Variants in HDAC4 observed in about 807,000 individuals in gnomAD.
HDAC4 encodes histone deacetylase 4.
A neutral mutation model predicts 135.1 loss-of-function variants in HDAC4; 16 were observed. That is an observed-to-expected ratio of 0.12 (90% CI 0.08 to 0.18). The LOEUF (loss-of-function observed/expected upper bound fraction) is 0.18, where lower values mean the gene tolerates loss of function less well. HDAC4 is among the 10% of genes least tolerant of loss of function. HDAC4 has a pLI of 1.00. For missense variants in HDAC4, 1,143 were observed against 1,511.8 expected, an observed-to-expected ratio of 0.76 and a Z score of 4.05; for synonymous variants, 685 against 653.4, an observed-to-expected ratio of 1.05 and a Z score of -0.74.
chr2:239,087,598 A>G lies in HDAC4; in HGVS notation c.2405T>C (p.Val802Ala). 1 of 1,613,890 alleles carries G rather than the reference A, an allele frequency of 6.2e-7. No individual in the cohort carries two copies. Among genetic ancestry groups the G allele is most frequent in the Non-Finnish European group, 8.5e-7 (1 of 1,179,978 alleles). Reference sequence around the variant, plus strand: ...CTCCGCATGGTGTCCAGGGGGGCGGACCACAGCAAAGCCATTCTGCAGGTG... The same window carrying G: ...CTCCGCATGGTGTCCAGGGGGGCGGGCCACAGCAAAGCCATTCTGCAGGTG... Reference protein sequence around the residue: ...TGELKNGFAVVRPPGHHAEES... With the variant: ...TGELKNGFAVARPPGHHAEES... Residue 802 changes from valine to alanine, a missense_variant, in exon 19 of 27, where the codon GTC becomes GCC. Transcript: ENST00000543185.
chr2:239,385,335 G>A (rs1695716629), intron 1 of HDAC4, among the ~76,000 whole-genome samples: 1 of 152,266 alleles, frequency 6.6e-6, no homozygotes. Flanking sequence ...AGGAAGCACT[G>A]GCTGGCAGTG....
intron 12 of HDAC4, among the ~76,000 whole-genome samples, chr2:239,117,735 C>T (rs1019793522): frequency 2.6e-5 from 4 of 152,116 alleles, no homozygotes; most frequent in Non-Finnish European, 5.9e-5. Flanking sequence ...GGGGTCTCTC[C>T]GGATGCTCGA....
chr2:239,269,213 ACATT>A (rs1446582259), intron 2 of HDAC4, among the ~76,000 whole-genome samples: 1 of 151,414 alleles, frequency 6.6e-6, no homozygotes. Flanking sequence ...ACACCCACAC[ACATT>A]CACACACCCA....
rs1400694165 is a variant in HDAC4 at position 239,400,218 on chromosome 2, C to G, written c.-220+760G>C. 6.6e-6 allele frequency among the ~76,000 whole-genome samples: 1 copy of G among 151,698 alleles called. No individual in the cohort carries two copies. The highest frequency in any genetic ancestry group is 1.5e-5 in the Non-Finnish European group (1 of 67,868). Reference sequence around the variant, plus strand: ...AGCCCCCCGCCCTCCCGCGACCCCCCGGGCGCTCGCAGCGGCGACGACAAG... The same window carrying G: ...AGCCCCCCGCCCTCCCGCGACCCCCGGGGCGCTCGCAGCGGCGACGACAAG... On this transcript the variant is annotated intron_variant, in intron 1 of 26. Coordinates refer to ENST00000543185, the MANE Select transcript of HDAC4 (RefSeq NM_001378414.1). The surrounding 1 kb of genome is among the most constrained non-coding windows in gnomAD (Gnocchi z 4.7).
intron 2 of HDAC4, among the ~76,000 whole-genome samples, chr2:239,248,994 A>T (rs57204405): frequency 0.12 from 18,016 of 152,304 alleles, 1,187 homozygotes; most frequent in Non-Finnish European, 0.15. Context: ...ATGACACGTA[A>T]ATTAGAAGAC....
rs544592091 is a variant in HDAC4, at chr2:239,141,684, A to G, written c.866-1888T>C. ...CTCTGATGTCAAGCTGTCTCCAGCT[A>G]CACACCAAGATCCAGCAGATCTTCC... On this transcript the variant is annotated intron_variant, in intron 8 of 26. Coordinates refer to ENST00000543185, the MANE Select transcript of HDAC4 (RefSeq NM_001378414.1). This position sits in a 1 kb window ranked among gnomAD's most constrained non-coding sequence, Gnocchi z 4.9. Among the ~76,000 whole-genome samples, 1 of 152,272 alleles carries G rather than the reference A, an allele frequency of 6.6e-6. No individual in the cohort carries two copies. The highest frequency in any genetic ancestry group is 6.5e-5 in the Admixed American group (1 of 15,304).
chr2:239,168,774 T>C (rs1481561353), intron 5 of HDAC4, among the ~76,000 whole-genome samples: 1 of 152,148 alleles, frequency 6.6e-6, no homozygotes, highest in African/African-American at 2.4e-5. Context: ...CGGCCCTGCG[T>C]CCTCACCACA....
At chr2:239,161,463 C>G (rs184452248) in intron 6 of HDAC4, among the ~76,000 whole-genome samples, 1 of 152,122 alleles carries the variant, frequency 6.6e-6, no homozygotes, top group Non-Finnish European at 1.5e-5. Context: ...ACTAATCATG[C>G]GTGGTGTGAA....
At chr2:239,207,601 G>A (rs1245194086) in intron 3 of HDAC4, among the ~76,000 whole-genome samples, 1 of 152,280 alleles carries the variant, frequency 6.6e-6, no homozygotes, top group East Asian at 1.9e-4. Flanking sequence ...GGAACAACTT[G>A]AGGCCAGTAA....
intron 2 of HDAC4, chr2:239,298,032 C>T (rs1447293513): frequency 4.7e-6 from 2 of 424,270 alleles, no homozygotes; most frequent in Non-Finnish European, 8.9e-6. Context: ...CAAAAAAAGG[C>T]AGGAATTAGC....
At chr2:239,066,590 G>C (rs1236298837) in intron 24 of HDAC4, 132 bp downstream of exon 24, 1 of 1,200,488 alleles carries the variant, frequency 8.3e-7, no homozygotes, top group East Asian at 2.3e-5. Flanking sequence ...GCAGGTGCAA[G>C]GCGGAGCTGC....
chr2:239,157,159 A>G (rs571336778), intron 6 of HDAC4, among the ~76,000 whole-genome samples: 15 of 152,358 alleles, frequency 9.8e-5, no homozygotes, highest in Admixed American at 9.8e-4. Flanking sequence ...AGAGGAAAAC[A>G]GTAGGCTGCT....
chr2:239,231,912 T>C (rs77770032), intron 3 of HDAC4, among the ~76,000 whole-genome samples: 1,203 of 107,734 alleles, frequency 0.011, 10 homozygotes, highest in Middle Eastern at 0.026. Flanking sequence ...CTGAGGTAGG[T>C]GTCCTCCCCG....
chr2:239,283,192 G>A (rs552573237), intron 2 of HDAC4, among the ~76,000 whole-genome samples: 5 of 152,382 alleles, frequency 3.3e-5, no homozygotes, highest in East Asian at 1.9e-4. Flanking sequence ...AGGACACCAC[G>A]GGCCTGGCCC....
chr2:239,280,921 A>C (rs1575598155), intron 2 of HDAC4, among the ~76,000 whole-genome samples: 5 of 132,462 alleles, frequency 3.8e-5, no homozygotes, highest in African/African-American at 8.8e-5. Flanking sequence ...TGTACACACC[A>C]CTCTCCACAC....
chr2:239,261,293 G>A lies in HDAC4; in HGVS notation c.23-24629C>T, dbSNP rs180859579. Among the ~76,000 whole-genome samples the A allele has an allele frequency of 2.1e-3, 317 of 152,272 alleles. 1 individual carries two copies. Among genetic ancestry groups the A allele is most frequent in the Non-Finnish European group, 3.3e-3 (222 of 68,030 alleles). On this transcript the variant is annotated intron_variant, in intron 2 of 26. Transcript: ENST00000543185. ...GAACTAAATTCAACAGAATGTACAC[G>A]AGCCCAGGTAACACGCTAGAGATGA... is the stretch of plus-strand genomic sequence containing the variant.
Position 239,354,648 on chromosome 2 carries a change from G to A in HDAC4, c.-219-1730C>T, listed in dbSNP as rs114415260. Among the ~76,000 whole-genome samples, 666 of 93,632 alleles carry A rather than the reference G, an allele frequency of 7.1e-3. 2 individuals carry two copies. Among genetic ancestry groups the A allele is most frequent in the Non-Finnish European group, 0.011 (550 of 50,346 alleles). The allele number at this position is 93,632 out of a possible 152,430, so 61.4% of individuals were successfully genotyped here. A position where few individuals can be genotyped will look rare whatever the true frequency, so the allele number is the denominator to read the frequency against. ...GTTCATCATGTAAAGAATCACCCCCGCCCCCAAGGCTGGCTATCTAGATGC... is the reference window on the plus strand; with the variant it reads ...GTTCATCATGTAAAGAATCACCCCCACCCCCAAGGCTGGCTATCTAGATGC... On this transcript the variant is annotated intron_variant, in intron 1 of 26. Transcript: ENST00000543185.
At chr2:239,086,723 G>T (rs1280294433) in intron 19 of HDAC4, among the ~76,000 whole-genome samples, 2 of 152,218 alleles carry the variant, frequency 1.3e-5, no homozygotes, top group Non-Finnish European at 2.9e-5. Flanking sequence ...TAGTGAACTT[G>T]TATCTGCACT....
chr2:239,117,821 A>T (rs1156626674), intron 12 of HDAC4, among the ~76,000 whole-genome samples: 1 of 152,144 alleles, frequency 6.6e-6, no homozygotes, highest in East Asian at 1.9e-4. Flanking sequence ...CCTGGCAGAG[A>T]GAGGAGCTAC....
Sources: allele counts gnomAD v4.1 joint callset (sites outside exome capture counted in the v4.1 genomes callset), GRCh38; gene constraint gnomAD v4.1.1; non-coding constraint Gnocchi (gnomAD v3.1); transcripts MANE v1.5; gene names NCBI Gene and HGNC (gene_info 2026-07-23, HGNC 2026-07-21).